The following NRG1 variants were observed in gnomAD, a reference collection of about 807,000 sequenced individuals.
NRG1 encodes pro-neuregulin-1, membrane-bound isoform.
A neutral mutation model predicts 63.8 loss-of-function variants in NRG1; 18 were observed. The ratio of observed to expected loss-of-function variants is 0.28; its 90% CI spans 0.19 to 0.42. The LOEUF (loss-of-function observed/expected upper bound fraction) is 0.42, where lower values mean the gene tolerates loss of function less well. Among genes scored for constraint, NRG1 ranks in the 10% least tolerant of loss-of-function variants. The pLI, the probability that NRG1 is intolerant of heterozygous loss-of-function variation, is 1.00. For missense variants in NRG1, 762 were observed against 814.7 expected (o/e 0.94, Z 0.79); for synonymous variants, 302 against 301.3 (o/e 1.00, Z -0.02).
intron 1 of NRG1, among the ~76,000 whole-genome samples, chr8:32,143,904 C>T (rs1209996640): frequency 1.3e-5 from 2 of 152,196 alleles, no homozygotes; most frequent in Non-Finnish European, 2.9e-5. Flanking sequence ...CAGACCTGAT[C>T]GCACTTTGAT....
intron 1 of NRG1, among the ~76,000 whole-genome samples, chr8:31,950,588 T>C (rs1353818925): frequency 6.6e-6 from 1 of 152,226 alleles, no homozygotes; most frequent in Non-Finnish European, 1.5e-5. Flanking sequence ...CAAGTTAAGC[T>C]ACAGTCAACT....
intron 1 of NRG1, among the ~76,000 whole-genome samples, chr8:32,524,831 C>A (rs1267848699): frequency 1.3e-5 from 2 of 152,202 alleles, no homozygotes; most frequent in Admixed American, 1.3e-4. Flanking sequence ...TCATCATAAA[C>A]CTAGGCTATT....
At chr8:31,903,287 T>C (rs1056868645) in intron 1 of NRG1, among the ~76,000 whole-genome samples, 1 of 151,752 alleles carries the variant, frequency 6.6e-6, no homozygotes, top group Non-Finnish European at 1.5e-5. Flanking sequence ...TAGCTGGGAC[T>C]ACAGGCGTCC....
rs139348763 is a variant in NRG1, at chr8:32,679,283, C to T, written c.503-48666C>T. On this transcript the variant is annotated intron_variant, in intron 5 of 11. Transcript: ENST00000356819. ...TTTTTTGGAATTCCAGAGCATAATG[C>T]CAGCGATTTAACTGTATGGATAGTA... is the stretch of plus-strand genomic sequence containing the variant. 5.4e-3 allele frequency among the ~76,000 whole-genome samples: 821 copies of T among 152,208 alleles called. 5 individuals are homozygous for T. Among genetic ancestry groups the T allele is most frequent in the Non-Finnish European group, 8.7e-3 (595 of 68,020 alleles).
chr8:32,373,500 C>T (rs141219560), intron 1 of NRG1, among the ~76,000 whole-genome samples: 7 of 152,100 alleles, frequency 4.6e-5, no homozygotes, highest in African/African-American at 1.4e-4. Context: ...AAATGAAAAC[C>T]GAAGGTTTGA....
chr8:32,464,286 C>CG (rs1822775654), intron 1 of NRG1, among the ~76,000 whole-genome samples: 2 of 134,430 alleles, frequency 1.5e-5, no homozygotes, highest in South Asian at 5.9e-4. Context: ...CCCACCCCCC[C>CG]CCACCCCACC....
At chr8:32,226,631 G>A (rs1032697839) in intron 1 of NRG1, among the ~76,000 whole-genome samples, 6 of 151,960 alleles carry the variant, frequency 3.9e-5, no homozygotes, top group South Asian at 2.1e-4. Context: ...TCTCCTCTTT[G>A]GTGATTAAAA....
At chr8:32,366,971 C>G (rs958165790) in intron 1 of NRG1, among the ~76,000 whole-genome samples, 5 of 151,934 alleles carry the variant, frequency 3.3e-5, no homozygotes, top group African/African-American at 1.2e-4. Context: ...CTTGGCCTCC[C>G]AAAGTGCTGG....
intron 5 of NRG1, among the ~76,000 whole-genome samples, chr8:32,634,645 C>T (rs1466335573): frequency 6.6e-6 from 1 of 152,172 alleles, no homozygotes; most frequent in Admixed American, 6.5e-5. Context: ...TGTATATTCT[C>T]ATCATCACTT....
chr8:32,521,687 T>C (rs946197187), intron 1 of NRG1, among the ~76,000 whole-genome samples: 3 of 152,196 alleles, frequency 2.0e-5, no homozygotes, highest in Non-Finnish European at 2.9e-5. Flanking sequence ...TTTCAAAGAT[T>C]GAAACTGAGT....
intron 1 of NRG1, among the ~76,000 whole-genome samples, chr8:31,791,493 A>G (rs1025987167): frequency 1.4e-4 from 21 of 152,158 alleles, no homozygotes; most frequent in African/African-American, 5.1e-4. Flanking sequence ...ATAAACGTTC[A>G]ATATTTATTC....
At chr8:32,701,705 T>C (rs1237948657) in intron 5 of NRG1, among the ~76,000 whole-genome samples, 1 of 152,242 alleles carries the variant, frequency 6.6e-6, no homozygotes, top group African/African-American at 2.4e-5. Flanking sequence ...GAGAAAATTA[T>C]AGATTATAGA....
At chr8:32,258,670 C>T (rs1380024921) in intron 1 of NRG1, among the ~76,000 whole-genome samples, 7 of 152,106 alleles carry the variant, frequency 4.6e-5, no homozygotes, top group Admixed American at 4.6e-4. Context: ...ATAAAACCAT[C>T]AGATCTCGTG....
chr8:32,113,028 A>G (rs1832237432), intron 1 of NRG1, among the ~76,000 whole-genome samples: 1 of 152,206 alleles, frequency 6.6e-6, no homozygotes, highest in Admixed American at 6.5e-5. Context: ...CAAGACAGTA[A>G]TGGCAGAGCA....
chr8:31,709,131 G>A (rs892324265), intron 1 of NRG1, among the ~76,000 whole-genome samples: 1 of 150,708 alleles, frequency 6.6e-6, no homozygotes, highest in Non-Finnish European at 1.5e-5. Flanking sequence ...TGTTGTTCAA[G>A]GTTCAACTGT....
intron 1 of NRG1, among the ~76,000 whole-genome samples, chr8:32,438,421 C>T (rs1431028417): frequency 6.6e-6 from 1 of 152,016 alleles, no homozygotes; most frequent in African/African-American, 2.4e-5. Context: ...GATGTTGAGC[C>T]ATTTACCCAT....
At chr8:32,182,544 G>A (rs942817056) in intron 1 of NRG1, among the ~76,000 whole-genome samples, 3 of 152,136 alleles carry the variant, frequency 2.0e-5, no homozygotes, top group Admixed American at 6.5e-5. Flanking sequence ...ACTGCACCTG[G>A]CCCCACAGGC....
chr8:32,702,875 G>A (rs767266651), intron 5 of NRG1, among the ~76,000 whole-genome samples: 2 of 152,134 alleles, frequency 1.3e-5, no homozygotes, highest in Non-Finnish European at 2.9e-5. Flanking sequence ...TGTTTAGACT[G>A]TTTTTATTGT....
chr8:32,728,092 TC>T lies in NRG1; in HGVS notation c.632+16del. 1.2e-6 allele frequency: 2 copies of T among 1,613,792 alleles called. No homozygotes were observed. On this transcript the variant is annotated intron_variant, in intron 6 of 11. Coordinates refer to ENST00000356819, the Ensembl canonical transcript of NRG1. ...ATACTTGTGCAAGTAAGAAAAGAAA[TC>T]CTGTGTGTCGCTTATGTCTATAACT...
Sources: allele counts gnomAD v4.1 joint callset (sites outside exome capture counted in the v4.1 genomes callset), GRCh38; gene constraint gnomAD v4.1.1; transcripts MANE v1.5; gene names NCBI Gene and HGNC (gene_info 2026-07-23, HGNC 2026-07-21).